Variants in DPP10 observed in about 807,000 individuals in gnomAD.
The protein encoded by DPP10 is inactive dipeptidyl peptidase 10.
In DPP10, 33 loss-of-function variants were observed where a neutral mutation model predicts 120.9. That is an observed-to-expected ratio of 0.27 (90% CI 0.21 to 0.37). The LOEUF (loss-of-function observed/expected upper bound fraction) is 0.37. DPP10 is among the 10% of genes least tolerant of loss of function. DPP10 has a pLI of 1.00. For missense variants in DPP10, 816 were observed against 942.8 expected, an observed-to-expected ratio of 0.87 and a Z score of 1.76; for synonymous variants, 337 against 326.1, an observed-to-expected ratio of 1.03 and a Z score of -0.36.
At chr2:115,289,069 C>T (rs995119836) in intron 1 of DPP10, among the ~76,000 whole-genome samples, 14 of 152,052 alleles carry the variant, frequency 9.2e-5, no homozygotes, top group East Asian at 3.9e-4. Flanking sequence ...AAAACACTCC[C>T]GGATTTGATC....
intron 1 of DPP10, among the ~76,000 whole-genome samples, chr2:114,656,003 G>T (rs560076539): frequency 1.1e-4 from 16 of 152,282 alleles, no homozygotes; most frequent in African/African-American, 3.8e-4. Flanking sequence ...GTAAGTTTAT[G>T]TGGGCTTTCC....
At chr2:115,339,982 A>C (rs1045893545) in intron 2 of DPP10, among the ~76,000 whole-genome samples, 3 of 152,158 alleles carry the variant, frequency 2.0e-5, no homozygotes, top group Non-Finnish European at 4.4e-5. Context: ...GGAGTATATC[A>C]ATGTCAGTTT....
intron 1 of DPP10, among the ~76,000 whole-genome samples, chr2:115,064,219 C>T (rs1249147645): frequency 6.6e-6 from 1 of 151,982 alleles, no homozygotes; most frequent in Non-Finnish European, 1.5e-5. Flanking sequence ...ATTATGCCTA[C>T]AAACATACTT....
intron 3 of DPP10, among the ~76,000 whole-genome samples, chr2:115,483,118 G>A (rs1203223796): frequency 6.6e-6 from 1 of 151,956 alleles, no homozygotes; most frequent in East Asian, 1.9e-4. Flanking sequence ...GTAGGGTGGA[G>A]AATTAAAAAA....
At chr2:115,144,245 A>G (rs997417025) in intron 1 of DPP10, 1 of 152,078 alleles carries the variant, frequency 6.6e-6, no homozygotes, top group African/African-American at 2.4e-5. Flanking sequence ...ACATGCTATT[A>G]CCCTGGGGCC....
At chr2:115,006,025 G>C (rs1021278271) in intron 1 of DPP10, among the ~76,000 whole-genome samples, 1 of 152,164 alleles carries the variant, frequency 6.6e-6, no homozygotes, top group Admixed American at 6.5e-5. Flanking sequence ...TCTCTTGGCA[G>C]AAACCCTACA....
At chr2:115,731,057 T>A (rs1436138408) in intron 8 of DPP10, among the ~76,000 whole-genome samples, 4 of 151,922 alleles carry the variant, frequency 2.6e-5, no homozygotes, top group Non-Finnish European at 5.9e-5. Context: ...AAATCCTGTC[T>A]CTACTAAAAA....
At chr2:115,791,902 G>A (rs1460665487) in intron 19 of DPP10, among the ~76,000 whole-genome samples, 2 of 152,076 alleles carry the variant, frequency 1.3e-5, no homozygotes, top group Non-Finnish European at 2.9e-5. Context: ...AACATCTAAT[G>A]CGTAACTAAC....
At chr2:115,433,571 G>GT (rs998208484) in intron 3 of DPP10, among the ~76,000 whole-genome samples, 8 of 151,224 alleles carry the variant, frequency 5.3e-5, no homozygotes, top group Non-Finnish European at 7.4e-5. Flanking sequence ...GTGTGACACA[G>GT]TTTTTTTTTC....
chr2:115,524,613 T>C (rs886962741), intron 4 of DPP10, among the ~76,000 whole-genome samples: 2 of 152,150 alleles, frequency 1.3e-5, no homozygotes, highest in African/African-American at 4.8e-5. Flanking sequence ...GATCTCCAGC[T>C]CTTCTCTCCT....
intron 1 of DPP10, among the ~76,000 whole-genome samples, chr2:115,292,758 A>C (rs562950254): frequency 1.8e-4 from 27 of 152,268 alleles, no homozygotes; most frequent in Non-Finnish European, 3.5e-4. Context: ...TACTAAGCAC[A>C]TGGCTATCCA....
intron 5 of DPP10, among the ~76,000 whole-genome samples, chr2:115,669,284 A>G (rs186702212): frequency 2.1e-3 from 315 of 152,272 alleles, no homozygotes; most frequent in African/African-American, 7.5e-3. Context: ...GTTTAAGGTC[A>G]ATAGCTTGAT....
intron 5 of DPP10, among the ~76,000 whole-genome samples, chr2:115,614,046 A>G (rs1378448207): frequency 1.3e-5 from 2 of 152,198 alleles, no homozygotes; most frequent in East Asian, 3.9e-4. Flanking sequence ...GATCCAAAAA[A>G]GCTTTGGGGC....
chr2:114,649,650 A>G (rs1309396742), intron 1 of DPP10, among the ~76,000 whole-genome samples: 3 of 152,128 alleles, frequency 2.0e-5, no homozygotes, highest in African/African-American at 4.8e-5. Context: ...TTGAAAGTTC[A>G]TCATACAATT....
chr2:114,881,598 G>GTCTGTCTATCTATCTATCTA (rs759393443), intron 1 of DPP10, among the ~76,000 whole-genome samples: 5 of 141,102 alleles, frequency 3.5e-5, no homozygotes, highest in African/African-American at 5.5e-5. Context: ...CTGTCTGTCT[G>GTCTGTCTATCTATCTATCTA]TCTATCTATC....
chr2:115,400,355 CCT>C (rs752990069), intron 3 of DPP10, among the ~76,000 whole-genome samples: 8 of 151,878 alleles, frequency 5.3e-5, no homozygotes, highest in Non-Finnish European at 8.8e-5. Context: ...AGTAAATTGC[CCT>C]GTTTAAAAAA....
intron 19 of DPP10, among the ~76,000 whole-genome samples, chr2:115,791,699 A>G (rs1193856435): frequency 6.6e-6 from 1 of 152,184 alleles, no homozygotes. Context: ...TTCCACTGCT[A>G]AAACAATGGG....
rs78760722 is a variant in DPP10 at position 115,389,832 on chromosome 2, A to T, written c.271+45920A>T. Among the ~76,000 whole-genome samples, 4 of 152,306 alleles carry T rather than the reference A, an allele frequency of 2.6e-5. No homozygotes were observed. In the East Asian group the frequency reaches 5.8e-4, roughly 22 times the overall value. On this transcript the variant is annotated intron_variant, in intron 3 of 25. Coordinates refer to ENST00000410059, the MANE Select transcript of DPP10 (RefSeq NM_020868.6). ...GATTACTTATTTGGTAAATATATCA[A>T]TTTATAGAATTATTCAACCTGGCTT...
chr2:115,250,362 C>G (rs1341938376), intron 1 of DPP10, among the ~76,000 whole-genome samples: 1 of 152,144 alleles, frequency 6.6e-6, no homozygotes, highest in African/African-American at 2.4e-5. Context: ...CCTTTAGTCG[C>G]AGAAGTTAAA....
Sources: allele counts gnomAD v4.1 joint callset (sites outside exome capture counted in the v4.1 genomes callset), GRCh38; gene constraint gnomAD v4.1.1; transcripts MANE v1.5; gene names NCBI Gene and HGNC (gene_info 2026-07-23, HGNC 2026-07-21).